ACOT7: variants seen among roughly 807,000 people sequenced by gnomAD.
ACOT7 encodes cytosolic acyl coenzyme A thioester hydrolase.
Under a neutral mutation model 40.2 loss-of-function variants are expected in ACOT7, and 12 were observed. The ratio of observed to expected loss-of-function variants is 0.30; its 90% CI spans 0.19 to 0.48. The LOEUF is 0.48. Among genes scored for constraint, ACOT7 ranks in the 20% least tolerant of loss-of-function variants. The pLI is 0.99. For synonymous variants in ACOT7, 228 were observed against 219.5 expected (o/e 1.04, Z -0.34); for missense variants, 395 against 530.8 (o/e 0.74, Z 2.51).
In ACOT7 at chr1:6,306,586, G is replaced by C. The variant is rs1178170952; in HGVS notation, c.713-11606C>G. 2.0e-6 allele frequency: 2 copies of C among 985,430 alleles called. No individual in the cohort carries two copies. Among genetic ancestry groups the C allele is most frequent in the Non-Finnish European group, 2.4e-6 (2 of 829,922 alleles). 61.0% of individuals were successfully genotyped at this position (985,430 alleles called of 1,614,324 possible). A position where few individuals can be genotyped will look rare whatever the true frequency, so the allele number is the denominator to read the frequency against. On this transcript the variant is annotated intron_variant, in intron 6 of 8. Transcript: ENST00000361521. This position sits in a 1 kb window ranked among gnomAD's most constrained non-coding sequence, Gnocchi z 4.3. ...GGAGAACGATGTTTTCAAACACCAA[G>C]ATCCTAGAAGGCGAGTACTAGAAGG... is the stretch of plus-strand genomic sequence containing the variant.
intron 5 of ACOT7, among the ~76,000 whole-genome samples, chr1:6,320,387 C>A (rs1027320526): frequency 2.6e-5 from 4 of 152,130 alleles, no homozygotes; most frequent in Non-Finnish European, 5.9e-5. Flanking sequence ...GCAGATAAAC[C>A]CTGAAACCCT....
intron 6 of ACOT7, among the ~76,000 whole-genome samples, chr1:6,309,023 C>T (rs147697047): frequency 1.8e-3 from 277 of 152,368 alleles, no homozygotes; most frequent in Admixed American, 4.2e-3. Context: ...CCGCCAAGGC[C>T]GATCAACAGT....
rs1435753537 is a variant in ACOT7, at chr1:6,328,844, G to A, written c.511-1431C>T. On this transcript the variant is annotated intron_variant, in intron 4 of 8. Transcript: ENST00000361521. ...GGAGGGGATGCACCACACTCGGATG[G>A]GACCCTCGGAGGGGCCCTCGGGGCC... 2.0e-5 allele frequency among the ~76,000 whole-genome samples: 3 copies of A among 151,370 alleles called. No homozygotes were observed. The East Asian group carries it at 5.8e-4, about 29-fold the overall frequency.
Position 6,267,879 on chromosome 1 carries a change from C to T in ACOT7, c.1015-3184G>A, listed in dbSNP as rs529845559. ...CTGATTCACCACTGACTCACATCGACTCCTCTTTTGTAAAATGGGCCAATG... is the reference window on the plus strand; with the variant it reads ...CTGATTCACCACTGACTCACATCGATTCCTCTTTTGTAAAATGGGCCAATG... On this transcript the variant is annotated intron_variant, in intron 8 of 8. Coordinates refer to ENST00000361521, the MANE Select transcript of ACOT7 (RefSeq NM_007274.4). Among the ~76,000 whole-genome samples the T allele has an allele frequency of 6.6e-5, 10 of 152,318 alleles. No homozygotes were observed. In the South Asian group the frequency reaches 1.2e-3, roughly 19 times the overall value.
intron 1 of ACOT7, among the ~76,000 whole-genome samples, chr1:6,368,589 G>T (rs1642065799): frequency 6.6e-6 from 1 of 152,164 alleles, no homozygotes; most frequent in Admixed American, 6.5e-5. Context: ...GTGGCTCCCA[G>T]GGCAGTGGGC....
At chr1:6,390,434 C>T (rs544507442) in intron 1 of ACOT7, among the ~76,000 whole-genome samples, 14 of 147,628 alleles carry the variant, frequency 9.5e-5, no homozygotes, top group African/African-American at 1.7e-4. Context: ...TAGCTGGGCA[C>T]GGTGGTGCAC....
intron 7 of ACOT7, among the ~76,000 whole-genome samples, chr1:6,291,912 C>T (rs1396396086): frequency 6.6e-6 from 1 of 152,204 alleles, no homozygotes; most frequent in Non-Finnish European, 1.5e-5. Flanking sequence ...AAGGGGCAAG[C>T]GTGGGAGGCA....
At chr1:6,295,179 A>T (rs1435894874) in intron 6 of ACOT7, 199 bp from the exon 7 acceptor site, 1 of 501,656 alleles carries the variant, frequency 2.0e-6, no homozygotes, top group East Asian at 3.4e-5. Context: ...ATTTTGAAAA[A>T]AACGACCATG....
chr1:6,264,748 C>G, intron 8 of ACOT7, 53 bp from the exon 9 acceptor site: 2 of 1,582,522 alleles, frequency 1.3e-6, no homozygotes, highest in Non-Finnish European at 1.7e-6. Context: ...GAACCAGTGC[C>G]GTGGCCTTGT....
At chr1:6,381,555 A>G (rs530764876) in intron 1 of ACOT7, among the ~76,000 whole-genome samples, 23 of 152,048 alleles carry the variant, frequency 1.5e-4, no homozygotes, top group African/African-American at 4.8e-4. Flanking sequence ...AAGGATGCCC[A>G]GAAACCAGAA....
chr1:6,341,266 T>C (rs1192512360), intron 2 of ACOT7, among the ~76,000 whole-genome samples: 1 of 151,418 alleles, frequency 6.6e-6, no homozygotes, highest in Non-Finnish European at 1.5e-5. Context: ...CTCAGCCTCC[T>C]GAGTAGCTGG....
chr1:6,278,610 C>G lies in ACOT7; in HGVS notation c.1014+2492G>C, dbSNP rs1428977535. On this transcript the variant is annotated intron_variant, in intron 8 of 8. Coordinates refer to ENST00000361521, the MANE Select transcript of ACOT7 (RefSeq NM_007274.4). The surrounding 1 kb of genome is among the most constrained non-coding windows in gnomAD (Gnocchi z 4.1). ...TGTATTTGTGATGCTTTTGGGAACCCTGTTGAGGGGCAGCACTGGCCAAGT... is the reference window on the plus strand; with the variant it reads ...TGTATTTGTGATGCTTTTGGGAACCGTGTTGAGGGGCAGCACTGGCCAAGT... Among the ~76,000 whole-genome samples, 4 of 152,140 alleles carry G rather than the reference C, an allele frequency of 2.6e-5. No individual in the cohort carries two copies. Among genetic ancestry groups the G allele is most frequent in the Admixed American group, 2.6e-4 (4 of 15,272 alleles).
chr1:6,315,450 G>A (rs1640462622), intron 6 of ACOT7, among the ~76,000 whole-genome samples: 1 of 152,064 alleles, frequency 6.6e-6, no homozygotes, highest in South Asian at 2.1e-4. Flanking sequence ...GAGTTACCAG[G>A]CCCTATAAGA....
At chr1:6,314,442 AG>A (rs1640425804) in intron 6 of ACOT7, among the ~76,000 whole-genome samples, 1 of 152,088 alleles carries the variant, frequency 6.6e-6, no homozygotes, top group African/African-American at 2.4e-5. Flanking sequence ...GATGGCCAAA[AG>A]TTGAGAAGTG....
intron 1 of ACOT7, among the ~76,000 whole-genome samples, 191 bp downstream of exon 1, chr1:6,393,066 C>A (rs1438336310): frequency 6.6e-6 from 1 of 151,208 alleles, no homozygotes; most frequent in Non-Finnish European, 1.5e-5. Context: ...CGGGGGCCGC[C>A]CGGCTTGTGC....
intron 7 of ACOT7, among the ~76,000 whole-genome samples, chr1:6,292,867 G>A (rs778556145): frequency 6.0e-5 from 9 of 149,526 alleles, no homozygotes; most frequent in Non-Finnish European, 1.2e-4. Flanking sequence ...TTTGTGCTTC[G>A]CTGGAAAGTC....
At chr1:6,328,800 C>T (rs1640876719) in intron 4 of ACOT7, among the ~76,000 whole-genome samples, 1 of 152,258 alleles carries the variant, frequency 6.6e-6, no homozygotes, top group Non-Finnish European at 1.5e-5. Flanking sequence ...GGTTCACTCA[C>T]TGCCCTGCTG....
chr1:6,272,678 G>A (rs946976244), intron 8 of ACOT7, among the ~76,000 whole-genome samples: 8 of 152,214 alleles, frequency 5.3e-5, no homozygotes, highest in African/African-American at 1.9e-4. Context: ...CTTGCTGAGA[G>A]CGCCGAGCCA....
Position 6,273,115 on chromosome 1 carries a change from G to A in ACOT7, c.1014+7987C>T, listed in dbSNP as rs552323956. On this transcript the variant is annotated intron_variant, in intron 8 of 8. Transcript: ENST00000361521. ...ACCCCCCGCAGCCGGTTAGGCCACA[G>A]TGGCATCAGAAGAGCTACCTACCAG... Among the ~76,000 whole-genome samples, 264 of 152,368 alleles carry A rather than the reference G, an allele frequency of 1.7e-3. 1 individual carries two copies. Among genetic ancestry groups the A allele is most frequent in the African/African-American group, 6.0e-3 (249 of 41,590 alleles).
Sources: allele counts gnomAD v4.1 joint callset (sites outside exome capture counted in the v4.1 genomes callset), GRCh38; gene constraint gnomAD v4.1.1; non-coding constraint Gnocchi (gnomAD v3.1); transcripts MANE v1.5; gene names NCBI Gene and HGNC (gene_info 2026-07-23, HGNC 2026-07-21).